The following CDH1 variants were observed in gnomAD, a reference collection of about 807,000 sequenced individuals.
The protein encoded by CDH1 is cadherin 1.
CDH1 carries 35 observed loss-of-function variants against 84.5 expected under a neutral mutation model. The observed-to-expected ratio is 0.41, with a 90% CI of 0.32 to 0.55. The LOEUF (loss-of-function observed/expected upper bound fraction) is 0.55, where lower values mean the gene tolerates loss of function less well. CDH1 is among the 20% of genes least tolerant of loss of function. CDH1 has a pLI of 0.19. For missense variants in CDH1, 994 were observed against 1,126.6 expected (o/e 0.88, Z 1.68); for synonymous variants, 417 against 439.0 (o/e 0.95, Z 0.63).
At chr16:68,815,944 C>T (rs1597898523) in intron 10 of CDH1, among the ~76,000 whole-genome samples, 185 bp downstream of exon 10, 1 of 152,120 alleles carries the variant, frequency 6.6e-6, no homozygotes. Context: ...CACAGACAGC[C>T]GTTCTTGGTC....
chr16:68,815,586 C>G lies in CDH1; in HGVS notation c.1392C>G (p.Val464=), dbSNP rs373811706. ...VAVTNVVPFE[V]SLTTSTATVT... is the part of the protein sequence containing the mutation. ...TGACGAATGTGGTACCTTTTGAGGTCTCTCTCACCACCTCCACAGCCACCG... is the reference window on the plus strand; with the variant it reads ...TGACGAATGTGGTACCTTTTGAGGTGTCTCTCACCACCTCCACAGCCACCG... Residue 464 remains valine (V), a synonymous_variant, in exon 10 of 16, where the codon GTC becomes GTG. Transcript: ENST00000261769. The G allele has an allele frequency of 6.2e-7, 1 of 1,614,218 alleles. No homozygotes were observed. Among genetic ancestry groups the G allele is most frequent in the Non-Finnish European group, 8.5e-7 (1 of 1,180,042 alleles).
chr16:68,811,734 A>G lies in CDH1; in HGVS notation c.883A>G (p.Thr295Ala), dbSNP rs1555515611. The change falls in exon 7 of 16, where the codon ACC becomes GCC. Residue 295 changes from threonine to alanine, a missense_variant. Physicochemically the swap from Thr to Ala is moderately conservative, Grantham distance 58. Around this residue, in one of 3 missense-constraint regions of CDH1, gnomAD observed 769 missense variants for 881.8 expected, o/e 0.87. Coordinates refer to ENST00000261769, the MANE Select transcript of CDH1 (RefSeq NM_004360.5). ...TATDADDDVN[T>A]YNAAIAYTIL... The stretch of plus-strand genomic sequence containing the variant: ...CACAGACGCGGACGATGATGTGAAC[A>G]CCTACAATGCCGCCATCGCTTACAC... 1.9e-6 allele frequency: 3 copies of G among 1,614,070 alleles called. No individual in the cohort carries two copies. Among genetic ancestry groups the G allele is most frequent in the Non-Finnish European group, 2.5e-6 (3 of 1,180,008 alleles).
chr16:68,832,199 A>C (rs1360766882), intron 15 of CDH1, among the ~76,000 whole-genome samples: 2 of 152,138 alleles, frequency 1.3e-5, no homozygotes, highest in Admixed American at 6.5e-5. Flanking sequence ...CTGGGTGATG[A>C]AATAATCTGT....
chr16:68,784,170 A>G (rs1397732209), intron 2 of CDH1, among the ~76,000 whole-genome samples: 1 of 152,162 alleles, frequency 6.6e-6, no homozygotes, highest in Non-Finnish European at 1.5e-5. Flanking sequence ...TTGCTGAAAG[A>G]AAGGATTTAT....
At chr16:68,818,976 C>T (rs756437625) in intron 10 of CDH1, among the ~76,000 whole-genome samples, 4 of 152,142 alleles carry the variant, frequency 2.6e-5, no homozygotes, top group Non-Finnish European at 5.9e-5. Context: ...CTGCCTCACC[C>T]TCCCCAGTAG....
At chr16:68,761,061 T>C (rs1339990010) in intron 2 of CDH1, among the ~76,000 whole-genome samples, 1 of 151,982 alleles carries the variant, frequency 6.6e-6, no homozygotes. Flanking sequence ...CACAGGAGGG[T>C]AGGGGCTGTG....
intron 2 of CDH1, among the ~76,000 whole-genome samples, chr16:68,767,019 G>A (rs149352907): frequency 2.5e-3 from 375 of 152,074 alleles, no homozygotes; most frequent in Middle Eastern, 6.8e-3. Flanking sequence ...GAGCCACTGC[G>A]CCCCGCCTAG....
intron 2 of CDH1, chr16:68,765,435 C>G (rs1365668252): frequency 6.6e-6 from 1 of 152,188 alleles, no homozygotes; most frequent in Non-Finnish European, 1.5e-5. Context: ...ATCCGTCCGC[C>G]TCGGCCTCCC....
rs546567569 is a variant in CDH1, at chr16:68,829,891, C to T, written c.2439+94C>T. On this transcript the variant is annotated intron_variant, in intron 15 of 15. Coordinates refer to ENST00000261769, the MANE Select transcript of CDH1 (RefSeq NM_004360.5). ...GAGAAAAAGAGTCTTTAGATTCTTT[C>T]CTTTACTATGTTTTCAGCTTGCCTG... 15 of 1,293,888 alleles carry T rather than the reference C, an allele frequency of 1.2e-5. No individual in the cohort carries two copies. In the East Asian group the frequency reaches 2.5e-4, roughly 22 times the overall value. The allele number at this position is 1,293,888 out of a possible 1,614,324, so 80.2% of individuals were successfully genotyped here.
chr16:68,747,962 C>T (rs1962786537), intron 2 of CDH1, among the ~76,000 whole-genome samples: 1 of 152,120 alleles, frequency 6.6e-6, no homozygotes, highest in Non-Finnish European at 1.5e-5. Flanking sequence ...CAGGGTTTCA[C>T]CATGTTGGCC....
Position 68,789,114 on chromosome 16 carries a change from C to A in CDH1, c.164-12556C>A, listed in dbSNP as rs183955035. ...ACATGATTCTCTGCAGCCTTGACGT[C>A]CCCAGCTCAAGTGATCCTCCTACCT... On this transcript the variant is annotated intron_variant, in intron 2 of 15. Transcript: ENST00000261769. Among the ~76,000 whole-genome samples the A allele has an allele frequency of 6.0e-3, 909 of 152,266 alleles. 4 individuals are homozygous for A. Among genetic ancestry groups the A allele is most frequent in the Non-Finnish European group, 9.9e-3 (675 of 68,014 alleles).
chr16:68,835,372 G>A lies in CDH1; in HGVS notation c.*1873G>A, dbSNP rs35779350. The A allele has an allele frequency of 0.011, 2,386 of 221,832 alleles. 55 individuals carry two copies. Among genetic ancestry groups the A allele is most frequent in the African/African-American group, 0.049 (2,205 of 44,718 alleles). 13.7% of individuals were successfully genotyped at this position (221,832 alleles called of 1,614,324 possible). On this transcript the variant is annotated 3_prime_UTR_variant, in exon 16 of 16. Transcript: ENST00000261769. ...ATTTTTCGGCAGTTCAAGCTATATCGAATATAGTTCTGTGTAGAGAATGTC... is the reference window on the plus strand; with the variant it reads ...ATTTTTCGGCAGTTCAAGCTATATCAAATATAGTTCTGTGTAGAGAATGTC...
intron 3 of CDH1, among the ~76,000 whole-genome samples, chr16:68,803,144 C>T (rs1477552973): frequency 6.6e-6 from 1 of 152,100 alleles, no homozygotes; most frequent in Admixed American, 6.6e-5. Context: ...TTGTAAGTGC[C>T]AGGGCCAGTA....
intron 6 of CDH1, among the ~76,000 whole-genome samples, chr16:68,810,542 A>G (rs905414715): frequency 7.3e-5 from 11 of 151,716 alleles, no homozygotes; most frequent in African/African-American, 2.7e-4. Flanking sequence ...GAGTTTAAGA[A>G]CAATCTTCCC....
intron 2 of CDH1, among the ~76,000 whole-genome samples, chr16:68,769,104 C>T (rs1959470124): frequency 6.6e-6 from 1 of 152,168 alleles, no homozygotes; most frequent in Admixed American, 6.6e-5. Flanking sequence ...TTGTCTCCCT[C>T]TCTTTGAATA....
At position 68,812,258 on chromosome 16, in the gene CDH1, A is replaced by C. The variant is rs587781432; in HGVS notation, c.1132A>C (p.Thr378Pro). Reference sequence around the variant, plus strand: ...CGATAATCCTCCGATCTTCAATCCCACCACGGTAATTCTATAACTCCTTAG... The same window carrying C: ...CGATAATCCTCCGATCTTCAATCCCCCCACGGTAATTCTATAACTCCTTAG... ...TNDNPPIFNP[T>P]TYKGQVPENE... Residue 378 changes from threonine (T) to proline (P), a missense_variant, in exon 8 of 16, where the codon ACC (threonine) becomes CCC (proline). By Grantham distance (38) the Thr-to-Pro change is conservative. Around this residue, in one of 3 missense-constraint regions of CDH1, gnomAD observed 769 missense variants for 881.8 expected, o/e 0.87. Coordinates refer to ENST00000261769, the MANE Select transcript of CDH1 (RefSeq NM_004360.5). The C allele has an allele frequency of 8.1e-6, 13 of 1,614,026 alleles. No homozygotes were observed. The Admixed American group carries it at 2.0e-4, about 25-fold the overall frequency.
At chr16:68,828,063 GCTGT>G in intron 13 of CDH1, 107 bp from the exon 14 acceptor site, 3 of 1,165,688 alleles carry the variant, frequency 2.6e-6, no homozygotes, top group Non-Finnish European at 2.6e-6. Context: ...GCAGCTAGTG[GCTGT>G]CTAACTGCCC....
At chr16:68,798,671 C>G (rs899606583) in intron 2 of CDH1, among the ~76,000 whole-genome samples, 1 of 152,218 alleles carries the variant, frequency 6.6e-6, no homozygotes. Flanking sequence ...TCAACTTTCA[C>G]TGTCTAAATT....
intron 2 of CDH1, among the ~76,000 whole-genome samples, chr16:68,775,071 A>G (rs2152121266): frequency 6.6e-6 from 1 of 150,866 alleles, no homozygotes; most frequent in East Asian, 2.0e-4. Context: ...GGGTGCAATG[A>G]GCTATGATTG....
Sources: gnomAD v4.1 joint callset for allele counts (sites outside exome capture counted in the v4.1 genomes callset) on GRCh38, gnomAD v4.1.1 for gene constraint, gnomAD v4.1.1 regional missense constraint, MANE v1.5 for transcripts, NCBI Gene and HGNC (gene_info 2026-07-23, HGNC 2026-07-21) for gene names.